The following PIWIL3 variants were observed in gnomAD, a reference collection of about 807,000 sequenced individuals.
PIWIL3 encodes piwi-like protein 3.
A neutral mutation model predicts 109.7 loss-of-function variants in PIWIL3; 101 were observed. That is an observed-to-expected ratio of 0.92 (90% confidence interval 0.78 to 1.09). The LOEUF is 1.09. Ranked by LOEUF, PIWIL3 falls within the 50% of genes least tolerant of loss-of-function variation. The pLI is 0.00. For missense variants in PIWIL3, 1,031 were observed against 1,072.6 expected, an observed-to-expected ratio of 0.96 and a Z score of 0.54; for synonymous variants, 373 against 376.4, an observed-to-expected ratio of 0.99 and a Z score of 0.10.
At chr22:24,732,906 C>A (rs920352007) in intron 14 of PIWIL3, among the ~76,000 whole-genome samples, 3 of 152,114 alleles carry the variant, frequency 2.0e-5, no homozygotes, top group Non-Finnish European at 4.4e-5. Flanking sequence ...GGAATTCAAA[C>A]AGCTGCCAAA....
chr22:24,761,302 G>A (rs1282413473), intron 2 of PIWIL3, among the ~76,000 whole-genome samples: 1 of 152,142 alleles, frequency 6.6e-6, no homozygotes, highest in Non-Finnish European at 1.5e-5. Context: ...AGAGGCCATA[G>A]AGGAGAACTC....
rs200544443 is a variant in PIWIL3 at position 24,719,780 on chromosome 22, A to G, written c.2473T>C (p.Tyr825His). ...TTATAATACATGTGGCATAGACAAT[A>G]TGTTAAACGCTGTACTGTATCTGGG... ...LSPDTVQRLT[Y>H]CLCHMYYNLP... The change falls in exon 20 of 21, where the codon TAT becomes CAT. Residue 825 changes from tyrosine (Y) to histidine (H), a missense_variant. By Grantham distance (83) the Tyr-to-His change is moderately conservative (BLOSUM62 2). Coordinates refer to ENST00000616349, the MANE Select transcript of PIWIL3 (RefSeq NM_001255975.1). 131 of 1,613,260 alleles carry G rather than the reference A, an allele frequency of 8.1e-5. 1 individual carries two copies. In the East Asian group the frequency reaches 2.8e-3, roughly 34 times the overall value.
intron 8 of PIWIL3, among the ~76,000 whole-genome samples, chr22:24,752,696 A>G (rs1924785563): frequency 6.6e-6 from 1 of 152,066 alleles, no homozygotes; most frequent in South Asian, 2.1e-4. Flanking sequence ...TATTTCCTCA[A>G]ACGAGGCCAC....
In PIWIL3 at chr22:24,754,813, T is replaced by C. The variant is rs2147704618; in HGVS notation, c.744A>G (p.Lys248=). The C allele has an allele frequency of 6.2e-7, 1 of 1,612,270 alleles. No individual in the cohort carries two copies. Among genetic ancestry groups the C allele is most frequent in the East Asian group, 2.2e-5 (1 of 44,816 alleles). Residue 248 remains lysine (K), a synonymous_variant, in exon 7 of 21, where the codon AAA becomes AAG. Coordinates refer to ENST00000616349, the MANE Select transcript of PIWIL3 (RefSeq NM_001255975.1). ...GACGGTATAACTGAATGGCCTTCTT[T>C]TTGGTATAATAGTTGCGACCAACTT... ...FEQVGRNYYT[K]KKAIQLYRHG...
chr22:24,766,326 G>GT lies in PIWIL3; in HGVS notation c.-22-3806dup, dbSNP rs1210989993. ...TTTTGTTTTGTTTTGTTTTGTTTTT[G>GT]TTTTTGTTTTGAGACAGAGTCTGGC... On this transcript the variant is annotated intron_variant, in intron 1 of 20. Coordinates refer to ENST00000616349, the MANE Select transcript of PIWIL3 (RefSeq NM_001255975.1). Among the ~76,000 whole-genome samples the GT allele has an allele frequency of 3.5e-4, 53 of 150,234 alleles. 1 individual carries two copies. Among genetic ancestry groups the GT allele is most frequent in the Middle Eastern group, 3.5e-3 (1 of 288 alleles).
intron 4 of PIWIL3, among the ~76,000 whole-genome samples, chr22:24,757,100 A>AAG (rs1377662394): frequency 1.3e-5 from 2 of 149,738 alleles, no homozygotes; most frequent in African/African-American, 4.9e-5. Flanking sequence ...AAAAAAAAAA[A>AAG]AAGAAAAGAA....
chr22:24,749,687 C>T lies in PIWIL3; in HGVS notation c.1216+6G>A. ...ACTTTAAAGAGGGGCTGTAATCCAT[C>T]AGTACCTGTCATGTGGCACAGCTGA... On this transcript the variant is annotated splice_donor_region_variant and intron_variant, in intron 10 of 20. Coordinates refer to ENST00000616349, the MANE Select transcript of PIWIL3 (RefSeq NM_001255975.1). The T allele has an allele frequency of 2.5e-6, 4 of 1,614,132 alleles. No homozygotes were observed. Among genetic ancestry groups the T allele is most frequent in the South Asian group, 1.1e-5 (1 of 91,076 alleles).
intron 12 of PIWIL3, among the ~76,000 whole-genome samples, chr22:24,740,051 C>CAAA (rs1198660648): frequency 8.9e-5 from 6 of 67,668 alleles, no homozygotes; most frequent in African/African-American, 2.9e-4. Context: ...GACTCGGTCT[C>CAAA]AAAAAAAAAA....
chr22:24,752,159 A>G (rs1469723457), intron 8 of PIWIL3, among the ~76,000 whole-genome samples: 1 of 152,140 alleles, frequency 6.6e-6, no homozygotes, highest in Non-Finnish European at 1.5e-5. Flanking sequence ...AGTAAGGGTA[A>G]AAGTTCTCGG....
At chr22:24,730,730 T>A (rs181399348) in intron 14 of PIWIL3, among the ~76,000 whole-genome samples, 42 of 152,324 alleles carry the variant, frequency 2.8e-4, no homozygotes, top group African/African-American at 9.6e-4. Flanking sequence ...TTAGATCGGA[T>A]TAATGCATAA....
intron 14 of PIWIL3, among the ~76,000 whole-genome samples, chr22:24,732,466 G>GTAAATGAA (rs1272524535): frequency 6.6e-5 from 10 of 152,152 alleles, no homozygotes; most frequent in African/African-American, 2.4e-4. Flanking sequence ...GAGTAAATGA[G>GTAAATGAA]TAAAAGTAGG....
At chr22:24,725,344 AAAGGTTC>A (rs1922925800) in intron 17 of PIWIL3, 94 bp downstream of exon 17, 5 of 1,435,884 alleles carry the variant, frequency 3.5e-6, no homozygotes, top group Non-Finnish European at 4.8e-6. Flanking sequence ...ACCAAAAACT[AAAGGTTC>A]AGTCATTACC....
At chr22:24,732,583 G>A (rs1173154522) in intron 14 of PIWIL3, among the ~76,000 whole-genome samples, 3 of 152,160 alleles carry the variant, frequency 2.0e-5, no homozygotes, top group African/African-American at 7.2e-5. Flanking sequence ...CAGCACTTTG[G>A]GAGGCCGAGG....
chr22:24,755,969 C>A lies in PIWIL3; in HGVS notation c.571-64G>T. The A allele has an allele frequency of 2.0e-6, 3 of 1,534,700 alleles. No individual in the cohort carries two copies. The South Asian group carries it at 3.5e-5, about 18-fold the overall frequency. ...TCTTCCAAAAAACTAAACTTCATTG[C>A]ACGGCAAATCACCATGTCACCTGGC... On this transcript the variant is annotated intron_variant, in intron 5 of 20. Coordinates refer to ENST00000616349, the MANE Select transcript of PIWIL3 (RefSeq NM_001255975.1).
rs1179418506 is a variant in PIWIL3 at position 24,758,014 on chromosome 22, A to G, written c.249T>C (p.Ala83=). The change falls in exon 4 of 21, where the codon GCT becomes GCC. Residue 83 remains alanine (A), a synonymous_variant. Coordinates refer to ENST00000616349, the MANE Select transcript of PIWIL3 (RefSeq NM_001255975.1). The part of the protein sequence containing the change: ...SQGVKEPGPE[A]GLHTAPLQER... The stretch of plus-strand genomic sequence containing the variant: ...CCTGCAAGGGCGCTGTATGCAACCC[A>G]GCCTCAGGTCCAGGTTCCTTCACCC... 1 of 1,613,446 alleles carries G rather than the reference A, an allele frequency of 6.2e-7. No individual in the cohort carries two copies. The highest frequency in any genetic ancestry group is 8.5e-7 in the Non-Finnish European group (1 of 1,179,866).
intron 2 of PIWIL3, among the ~76,000 whole-genome samples, chr22:24,760,195 C>A (rs186269309): frequency 3.3e-4 from 50 of 152,200 alleles, no homozygotes; most frequent in Non-Finnish European, 1.0e-4. Flanking sequence ...CAAAACAAAC[C>A]GAGGAGAATC....
At chr22:24,766,331 TG>T (rs964236436) in intron 1 of PIWIL3, among the ~76,000 whole-genome samples, 19 of 151,596 alleles carry the variant, frequency 1.3e-4, no homozygotes, top group Admixed American at 3.3e-4. Context: ...TTTTTGTTTT[TG>T]TTTTGAGACA....
chr22:24,747,745 C>T (rs1168070110), intron 12 of PIWIL3, among the ~76,000 whole-genome samples: 1 of 152,134 alleles, frequency 6.6e-6, no homozygotes, highest in Non-Finnish European at 1.5e-5. Context: ...TATCATCTCA[C>T]CCCAGTTAAA....
At chr22:24,737,121 G>A (rs1201584570) in intron 12 of PIWIL3, among the ~76,000 whole-genome samples, 1 of 152,222 alleles carries the variant, frequency 6.6e-6, no homozygotes, top group Non-Finnish European at 1.5e-5. Flanking sequence ...AGCTAAGAGA[G>A]TGCTTGCATC....
Sources: gnomAD v4.1 joint callset for allele counts (sites outside exome capture counted in the v4.1 genomes callset) on GRCh38, gnomAD v4.1.1 for gene constraint, MANE v1.5 for transcripts, NCBI Gene and HGNC (gene_info 2026-07-23, HGNC 2026-07-21) for gene names.